Variants in ARID5B observed in about 807,000 individuals in gnomAD.
ARID5B encodes the protein AT-rich interactive domain-containing protein 5B.
A neutral mutation model predicts 97.2 loss-of-function variants in ARID5B; 13 were observed. The observed-to-expected ratio is 0.13, with a 90% CI of 0.09 to 0.21. The LOEUF is 0.21. Ranked by LOEUF, ARID5B falls within the 10% of genes least tolerant of loss-of-function variation. The pLI, the probability that ARID5B is intolerant of heterozygous loss-of-function variation, is 1.00. For synonymous variants in ARID5B, 556 were observed against 570.3 expected, an observed-to-expected ratio of 0.97 and a Z score of 0.36; for missense variants, 1,210 against 1,465.3, an observed-to-expected ratio of 0.83 and a Z score of 2.84.
intron 5 of ARID5B, among the ~76,000 whole-genome samples, chr10:62,054,404 A>C (rs77196687): frequency 6.6e-6 from 1 of 152,124 alleles, no homozygotes; most frequent in Admixed American, 6.5e-5. Context: ...AAAAAAAAAA[A>C]TATCAAGCTA....
chr10:61,921,165 G>C (rs1038761935), intron 2 of ARID5B, among the ~76,000 whole-genome samples: 3 of 152,194 alleles, frequency 2.0e-5, no homozygotes, highest in Admixed American at 2.0e-4. Context: ...AAAGATGGTT[G>C]TATCGGTTAT....
chr10:61,909,604 C>T (rs753959653), intron 2 of ARID5B, among the ~76,000 whole-genome samples: 122 of 152,340 alleles, frequency 8.0e-4, no homozygotes, highest in Non-Finnish European at 1.5e-3. Context: ...GGATTACAGG[C>T]GTCAGCCACC....
At chr10:61,933,231 T>A (rs778567397) in intron 2 of ARID5B, among the ~76,000 whole-genome samples, 2 of 152,258 alleles carry the variant, frequency 1.3e-5, no homozygotes, top group Non-Finnish European at 2.9e-5. Flanking sequence ...CATTCACATC[T>A]TTGGGCTCCA....
chr10:61,911,814 A>G (rs1451166081), intron 2 of ARID5B, among the ~76,000 whole-genome samples: 1 of 152,096 alleles, frequency 6.6e-6, no homozygotes. Context: ...CCCTTGGCTC[A>G]CTTCCATGCT....
At chr10:62,038,343 A>G (rs1003910569) in intron 4 of ARID5B, among the ~76,000 whole-genome samples, 7 of 151,542 alleles carry the variant, frequency 4.6e-5, no homozygotes, top group Admixed American at 3.3e-4. Flanking sequence ...CATGTTGCCT[A>G]TTGTCAGAAA....
rs1004944492 is a variant in ARID5B at position 62,095,868 on chromosome 10, C to T, written c.*2838C>T. On this transcript the variant is annotated 3_prime_UTR_variant, in exon 10 of 10. Transcript: ENST00000279873. ...AGTTCTGTAAAGGAAACTGTGGAAT[C>T]GAATTGGCAGTGGAGTCATAAATCT... 2.2e-5 allele frequency: 5 copies of T among 230,576 alleles called. No individual in the cohort carries two copies. Among genetic ancestry groups the T allele is most frequent in the Admixed American group, 5.7e-5 (1 of 17,668 alleles). The allele number at this position is 230,576 out of a possible 1,614,324, so 14.3% of individuals were successfully genotyped here.
At chr10:61,979,557 G>A (rs1481381330) in intron 3 of ARID5B, among the ~76,000 whole-genome samples, 3 of 152,108 alleles carry the variant, frequency 2.0e-5, no homozygotes, top group African/African-American at 7.2e-5. Flanking sequence ...CTTTTCTCCA[G>A]GCGTCTCCCA....
At chr10:61,999,850 G>C (rs537103975) in intron 3 of ARID5B, among the ~76,000 whole-genome samples, 1 of 152,248 alleles carries the variant, frequency 6.6e-6, no homozygotes, top group East Asian at 1.9e-4. Flanking sequence ...TGTGTCTAGA[G>C]GGCCAGCCTA....
intron 7 of ARID5B, among the ~76,000 whole-genome samples, chr10:62,068,593 C>T (rs949408627): frequency 2.0e-5 from 3 of 151,462 alleles, no homozygotes; most frequent in Non-Finnish European, 4.4e-5. Context: ...CTGGCAGCCT[C>T]GTGGGTATTT....
intron 8 of ARID5B, among the ~76,000 whole-genome samples, chr10:62,076,531 C>T (rs998092888): frequency 1.5e-5 from 2 of 133,962 alleles, no homozygotes; most frequent in African/African-American, 2.7e-5. Flanking sequence ...CACCGCACTC[C>T]GGTCTGGGCT....
intron 4 of ARID5B, among the ~76,000 whole-genome samples, chr10:62,025,663 A>G (rs1839410981): frequency 6.6e-6 from 1 of 152,200 alleles, no homozygotes; most frequent in Non-Finnish European, 1.5e-5. Flanking sequence ...TGCTAAATAC[A>G]AATCACTCTT....
At chr10:61,934,437 G>C (rs1320720139) in intron 2 of ARID5B, among the ~76,000 whole-genome samples, 1 of 152,164 alleles carries the variant, frequency 6.6e-6, no homozygotes, top group Non-Finnish European at 1.5e-5. Context: ...CTTGGGTTTT[G>C]ACATGCCTTC....
At chr10:61,929,728 G>A (rs565857523) in intron 2 of ARID5B, among the ~76,000 whole-genome samples, 86 of 152,246 alleles carry the variant, frequency 5.6e-4, no homozygotes, top group African/African-American at 2.1e-3. Flanking sequence ...AATTACATCC[G>A]GGAAGGACAT....
In ARID5B at chr10:62,042,491, G is replaced by C. The variant is rs531704177; in HGVS notation, c.734-8397G>C. Among the ~76,000 whole-genome samples, 3 of 152,306 alleles carry C rather than the reference G, an allele frequency of 2.0e-5. No individual in the cohort carries two copies. The South Asian group carries it at 6.2e-4, about 32-fold the overall frequency. ...ACAGGACCTTGCAGCTAGCTGGTGG[G>C]TGGCATGGGCTGAGAAAACAGACCC... On this transcript the variant is annotated intron_variant, in intron 4 of 9. Transcript: ENST00000279873.
At chr10:61,955,863 C>G (rs944409135) in intron 3 of ARID5B, among the ~76,000 whole-genome samples, 1 of 152,146 alleles carries the variant, frequency 6.6e-6, no homozygotes, top group African/African-American at 2.4e-5. Flanking sequence ...GCTGGCCAGG[C>G]TGGTCTCGAA....
At chr10:62,083,126 G>A (rs1372444215) in intron 8 of ARID5B, among the ~76,000 whole-genome samples, 1 of 152,026 alleles carries the variant, frequency 6.6e-6, no homozygotes. Context: ...AGTAGGGCTT[G>A]TGTTTGGATT....
At chr10:61,978,126 C>G (rs775072455) in intron 3 of ARID5B, among the ~76,000 whole-genome samples, 1 of 152,188 alleles carries the variant, frequency 6.6e-6, no homozygotes, top group Non-Finnish European at 1.5e-5. Context: ...AATCCTTTCC[C>G]CATTCCTTGT....
At chr10:61,912,870 T>A (rs1442065571) in intron 2 of ARID5B, among the ~76,000 whole-genome samples, 2 of 152,064 alleles carry the variant, frequency 1.3e-5, no homozygotes, top group Non-Finnish European at 2.9e-5. Context: ...CAACGGAAGA[T>A]GAGATGGAAA....
At chr10:61,993,128 C>T (rs985547781) in intron 3 of ARID5B, among the ~76,000 whole-genome samples, 2 of 145,304 alleles carry the variant, frequency 1.4e-5, no homozygotes, top group East Asian at 1.9e-4. Flanking sequence ...GATACACACA[C>T]ACACACACAC....
Sources: gnomAD v4.1 joint callset for allele counts (sites outside exome capture counted in the v4.1 genomes callset) on GRCh38, gnomAD v4.1.1 for gene constraint, MANE v1.5 for transcripts, NCBI Gene and HGNC (gene_info 2026-07-23, HGNC 2026-07-21) for gene names.